ROBO2: variants seen among roughly 807,000 people sequenced by gnomAD.
ROBO2 encodes roundabout homolog 2.
ROBO2 carries 53 observed loss-of-function variants against 160.8 expected under a neutral mutation model. The ratio of observed to expected loss-of-function variants is 0.33; its 90% confidence interval spans 0.26 to 0.41. The LOEUF (loss-of-function observed/expected upper bound fraction) is 0.41, where lower values mean the gene tolerates loss of function less well. ROBO2 is among the 10% of genes least tolerant of loss of function. The pLI is 1.00. For synonymous variants in ROBO2, 664 were observed against 611.7 expected, an observed-to-expected ratio of 1.09 and a Z score of -1.26; for missense variants, 1,577 against 1,722.4, an observed-to-expected ratio of 0.92 and a Z score of 1.49.
At chr3:76,498,145 C>A (rs1349644212) in intron 2 of ROBO2, among the ~76,000 whole-genome samples, 1 of 151,942 alleles carries the variant, frequency 6.6e-6, no homozygotes, top group Non-Finnish European at 1.5e-5. Flanking sequence ...TATATTTTTT[C>A]AAAAAGTGTA....
chr3:76,300,690 A>C (rs1709312145), intron 2 of ROBO2, among the ~76,000 whole-genome samples: 4 of 152,086 alleles, frequency 2.6e-5, no homozygotes. Context: ...ATTATTTAAA[A>C]TATTATTTTC....
chr3:75,979,308 C>A (rs932474176), intron 2 of ROBO2, among the ~76,000 whole-genome samples: 1 of 151,452 alleles, frequency 6.6e-6, no homozygotes, highest in Non-Finnish European at 1.5e-5. Context: ...GGAATATACA[C>A]ACATATATAG....
At chr3:77,630,119 T>C (rs759672029) in intron 23 of ROBO2, 7 of 152,182 alleles carry the variant, frequency 4.6e-5, no homozygotes, top group Non-Finnish European at 8.8e-5. Context: ...GTTAATAGTG[T>C]TAGTGGCAAT....
intron 2 of ROBO2, among the ~76,000 whole-genome samples, chr3:76,335,958 C>T (rs1417900371): frequency 6.6e-6 from 1 of 152,178 alleles, no homozygotes; most frequent in East Asian, 1.9e-4. Context: ...CTCTTGAATA[C>T]TCAGATAGCT....
intron 2 of ROBO2, among the ~76,000 whole-genome samples, chr3:77,222,202 A>C (rs2085910375): frequency 6.6e-6 from 1 of 152,174 alleles, no homozygotes. Flanking sequence ...CAAAAGCACT[A>C]GGTGGAAAAG....
chr3:76,502,012 G>C (rs1319459315), intron 2 of ROBO2, among the ~76,000 whole-genome samples: 3 of 151,600 alleles, frequency 2.0e-5, no homozygotes. Flanking sequence ...TTTTAAAATA[G>C]ACTCCCATAA....
At chr3:77,536,067 G>GA (rs911965504) in intron 6 of ROBO2, among the ~76,000 whole-genome samples, 2 of 152,120 alleles carry the variant, frequency 1.3e-5, no homozygotes, top group African/African-American at 2.4e-5. Context: ...CCATTTAGAT[G>GA]AAAAAATACA....
At chr3:76,139,677 A>G (rs1449387679) in intron 2 of ROBO2, among the ~76,000 whole-genome samples, 1 of 152,082 alleles carries the variant, frequency 6.6e-6, no homozygotes, top group Non-Finnish European at 1.5e-5. Context: ...AGTAAAAAGC[A>G]GTTATAAAAC....
At chr3:77,572,889 C>T (rs766820708) in intron 13 of ROBO2, among the ~76,000 whole-genome samples, 1 of 151,772 alleles carries the variant, frequency 6.6e-6, no homozygotes, top group Non-Finnish European at 1.5e-5. Context: ...TATAAACTGC[C>T]GACAAATTTC....
At chr3:76,287,818 C>G (rs995466495) in intron 2 of ROBO2, among the ~76,000 whole-genome samples, 2 of 152,192 alleles carry the variant, frequency 1.3e-5, no homozygotes, top group African/African-American at 4.8e-5. Context: ...TACATATCTG[C>G]ACTTAGAAAA....
chr3:77,274,325 CT>C (rs2059688622), intron 2 of ROBO2, among the ~76,000 whole-genome samples: 1 of 152,098 alleles, frequency 6.6e-6, no homozygotes, highest in Non-Finnish European at 1.5e-5. Flanking sequence ...CAGTTTTACT[CT>C]TTTTAAATAG....
intron 2 of ROBO2, among the ~76,000 whole-genome samples, chr3:77,101,341 T>C (rs944852306): frequency 1.3e-5 from 2 of 152,174 alleles, no homozygotes; most frequent in African/African-American, 2.4e-5. Context: ...TATATAGTGC[T>C]ACCATCCATA....
chr3:77,492,569 T>C (rs1349291035), intron 4 of ROBO2, among the ~76,000 whole-genome samples: 1 of 151,932 alleles, frequency 6.6e-6, no homozygotes. Context: ...TGGGTAGATA[T>C]CTCAAACACT....
chr3:77,369,087 A>C (rs1376405064), intron 2 of ROBO2, among the ~76,000 whole-genome samples: 2 of 152,152 alleles, frequency 1.3e-5, no homozygotes, highest in African/African-American at 4.8e-5. Context: ...TTCATTCAAG[A>C]AAAGCCAGTT....
chr3:77,620,529 G>A (rs530750307), intron 22 of ROBO2, among the ~76,000 whole-genome samples: 1 of 152,274 alleles, frequency 6.6e-6, no homozygotes, highest in Admixed American at 6.5e-5. Flanking sequence ...CTAATACTTA[G>A]GAAACTTGCT....
intron 2 of ROBO2, among the ~76,000 whole-genome samples, chr3:76,802,743 A>AT (rs2064324660): frequency 1.3e-5 from 2 of 151,916 alleles, no homozygotes; most frequent in Admixed American, 1.3e-4. Flanking sequence ...AAAAAAAAAA[A>AT]AGATACCACC....
intron 2 of ROBO2, among the ~76,000 whole-genome samples, chr3:76,653,859 GA>G (rs1560310864): frequency 2.0e-5 from 3 of 152,080 alleles, no homozygotes. Flanking sequence ...AGTTACCACC[GA>G]AGATTCAGCT....
In ROBO2 at chr3:77,562,779, AGC is replaced by A. The variant is rs1240061105; in HGVS notation, c.1519+48_1519+49del. On this transcript the variant is annotated intron_variant, in intron 10 of 25. Transcript: ENST00000461745. ...AGAAATCTTGGGCCCCTTTTCTGAT[AGC>A]TCAATATCAAATAATAAGTTAAGGG... 2.3e-6 allele frequency: 3 copies of A among 1,282,758 alleles called. No individual in the cohort carries two copies. In the Admixed American group the frequency reaches 5.1e-5, roughly 22 times the overall value. 79.5% of individuals were successfully genotyped at this position (1,282,758 alleles called of 1,614,324 possible).
chr3:77,095,151 CT>C, intron 1 of ROBO2, among the ~76,000 whole-genome samples: 1 of 151,936 alleles, frequency 6.6e-6, no homozygotes, highest in South Asian at 2.1e-4. Flanking sequence ...CATAGTTTTA[CT>C]TTTTATATTT....
Sources: allele counts gnomAD v4.1 joint callset (sites outside exome capture counted in the v4.1 genomes callset), GRCh38; gene constraint gnomAD v4.1.1; transcripts MANE v1.5; gene names NCBI Gene and HGNC (gene_info 2026-07-23, HGNC 2026-07-21).